The following C1GALT1 variants were observed in gnomAD, a reference collection of about 807,000 sequenced individuals.
C1GALT1 encodes the protein core 1 synthase, glycoprotein-N-acetylgalactosamine 3-beta-galactosyltransferase 1.
A neutral mutation model predicts 31.0 loss-of-function variants in C1GALT1; 11 were observed. The ratio of observed to expected loss-of-function variants is 0.36; its 90% CI spans 0.22 to 0.59. The LOEUF (loss-of-function observed/expected upper bound fraction) is 0.59, where lower values mean the gene tolerates loss of function less well. C1GALT1 is among the 20% of genes least tolerant of loss of function. The pLI is 0.79. For missense variants in C1GALT1, 424 were observed against 425.2 expected (o/e 1.00, Z 0.03); for synonymous variants, 175 against 143.6 (o/e 1.22, Z -1.56).
chr7:7,208,201 G>T (rs1470869959), intron 1 of C1GALT1, among the ~76,000 whole-genome samples: 1 of 151,416 alleles, frequency 6.6e-6, no homozygotes, highest in African/African-American at 2.4e-5. Context: ...TAAAGTTAAG[G>T]TTCAATAAAG....
At chr7:7,222,096 CT>C (rs1002486108) in intron 1 of C1GALT1, among the ~76,000 whole-genome samples, 2 of 152,172 alleles carry the variant, frequency 1.3e-5, no homozygotes, top group African/African-American at 2.4e-5. Context: ...AGAATACTTT[CT>C]AATAAATCAC....
At chr7:7,196,676 A>T (rs544641946) in intron 1 of C1GALT1, among the ~76,000 whole-genome samples, 4 of 152,332 alleles carry the variant, frequency 2.6e-5, no homozygotes, top group South Asian at 2.1e-4. Context: ...TTACAATCCC[A>T]CCAACAGTGT....
intron 1 of C1GALT1, among the ~76,000 whole-genome samples, chr7:7,222,473 C>G (rs546981626): frequency 6.6e-6 from 1 of 152,166 alleles, no homozygotes; most frequent in South Asian, 2.1e-4. Context: ...AATTAGCTTT[C>G]TTTTAAATAG....
chr7:7,167,168 C>A (rs941964212), intron 2 of C1GALT1, among the ~76,000 whole-genome samples: 1 of 152,212 alleles, frequency 6.6e-6, no homozygotes, highest in African/African-American at 2.4e-5. Flanking sequence ...CCTTCAGATT[C>A]TATCTCTGCT....
At chr7:7,235,263 C>A (rs925245962) in intron 2 of C1GALT1, 1 of 152,174 alleles carries the variant, frequency 6.6e-6, no homozygotes. Context: ...ATATAAGTAG[C>A]TTGAAAACAA....
intron 1 of C1GALT1, chr7:7,183,524 C>G (rs939041240): frequency 4.1e-6 from 4 of 974,878 alleles, no homozygotes; most frequent in Non-Finnish European, 4.9e-6. Flanking sequence ...GCTTCTGCAC[C>G]CCATTTTTCC....
At chr7:7,190,666 C>T (rs528067784) in intron 1 of C1GALT1, among the ~76,000 whole-genome samples, 2 of 152,028 alleles carry the variant, frequency 1.3e-5, no homozygotes, top group Middle Eastern at 3.4e-3. Context: ...AAGAGTTTTC[C>T]AGTGATACTC....
intron 2 of C1GALT1, among the ~76,000 whole-genome samples, chr7:7,162,742 AGT>A (rs1491331696): frequency 6.6e-6 from 1 of 151,976 alleles, no homozygotes; most frequent in East Asian, 1.9e-4. Flanking sequence ...ACAGTGTAAA[AGT>A]GTTCCTATTT....
intron 1 of C1GALT1, among the ~76,000 whole-genome samples, chr7:7,208,929 T>C (rs554687912): frequency 7.9e-5 from 12 of 152,336 alleles, no homozygotes; most frequent in African/African-American, 2.9e-4. Context: ...TTCTTGAAGT[T>C]TGAAGTTTTC....
rs550456716 is a variant in C1GALT1 at position 7,225,379 on chromosome 7, A to G, written c.-17-8924A>G. Among the ~76,000 whole-genome samples, 8 of 152,314 alleles carry G rather than the reference A, an allele frequency of 5.3e-5. No individual in the cohort carries two copies. The South Asian group carries it at 1.4e-3, about 28-fold the overall frequency. On this transcript the variant is annotated intron_variant, in intron 1 of 3. Transcript: ENST00000436587. ...AAGGTACTTGCTTTTTGCTTTTCCC[A>G]GTATATAGCATAGTGCTGTGTATTT...
intron 1 of C1GALT1, among the ~76,000 whole-genome samples, chr7:7,196,427 T>G (rs1393755104): frequency 6.6e-6 from 1 of 152,174 alleles, no homozygotes; most frequent in Non-Finnish European, 1.5e-5. Flanking sequence ...TATTCCATGG[T>G]GTGTATGTAC....
chr7:7,197,652 T>C (rs1381339134), intron 1 of C1GALT1, among the ~76,000 whole-genome samples: 1 of 152,206 alleles, frequency 6.6e-6, no homozygotes, highest in Non-Finnish European at 1.5e-5. Context: ...ATTTTCATGA[T>C]ATTGATTCTT....
chr7:7,167,764 T>A (rs6947154), intron 2 of C1GALT1, among the ~76,000 whole-genome samples: 102,476 of 151,710 alleles, frequency 0.68, 35,541 homozygotes, highest in East Asian at 0.93. Context: ...CAGCGCCCAG[T>A]CCCTTATTCT....
At chr7:7,164,649 G>C (rs1330929275) in intron 2 of C1GALT1, among the ~76,000 whole-genome samples, 2 of 152,138 alleles carry the variant, frequency 1.3e-5, no homozygotes, top group Non-Finnish European at 2.9e-5. Context: ...AACCCGACGA[G>C]GAACTCTGAA....
Position 7,167,181 on chromosome 7 carries a change from T to G in C1GALT1, c.-18+9755T>G, listed in dbSNP as rs117524634. 8.7e-3 allele frequency among the ~76,000 whole-genome samples: 1,325 copies of G among 152,304 alleles called. 17 individuals are homozygous for G. Among genetic ancestry groups the G allele is most frequent in the Non-Finnish European group, 0.011 (718 of 68,016 alleles). The stretch of plus-strand genomic sequence containing the variant: ...CTCCTTCAGATTCTATCTCTGCTCC[T>G]TTTTCAGATCCCTACTGGCTAAACA... On this transcript the variant is annotated intron_variant, in intron 2 of 3. Transcript: ENST00000429911.
chr7:7,192,529 A>G (rs1781119464), intron 1 of C1GALT1, among the ~76,000 whole-genome samples: 2 of 151,966 alleles, frequency 1.3e-5, no homozygotes, highest in Admixed American at 1.3e-4. Flanking sequence ...TATTATACAT[A>G]CCACATTTTC....
At chr7:7,213,957 T>G (rs1782120690) in intron 1 of C1GALT1, among the ~76,000 whole-genome samples, 1 of 152,210 alleles carries the variant, frequency 6.6e-6, no homozygotes, top group Admixed American at 6.5e-5. Flanking sequence ...CCAATTGGCT[T>G]ATTTTGTAAT....
At chr7:7,175,669 C>T (rs537932543) in intron 2 of C1GALT1, among the ~76,000 whole-genome samples, 3 of 152,306 alleles carry the variant, frequency 2.0e-5, no homozygotes, top group South Asian at 4.1e-4. Flanking sequence ...CAGGTAGCCC[C>T]TTGTATTAGT....
Position 7,188,909 on chromosome 7 carries a change from T to C in C1GALT1, c.-18+6089T>C, listed in dbSNP as rs564164133. On this transcript the variant is annotated intron_variant, in intron 1 of 3. Transcript: ENST00000436587. ...AGCTGAACATACATATGTGATGATA[T>C]AGGCATTACCCAACGATACGAAAGC... Among the ~76,000 whole-genome samples, 17 of 152,324 alleles carry C rather than the reference T, an allele frequency of 1.1e-4. No individual in the cohort carries two copies. In the East Asian group the frequency reaches 3.1e-3, roughly 28 times the overall value.
Sources: gnomAD v4.1 joint callset for allele counts (sites outside exome capture counted in the v4.1 genomes callset) on GRCh38, gnomAD v4.1.1 for gene constraint, MANE v1.5 for transcripts, NCBI Gene and HGNC (gene_info 2026-07-23, HGNC 2026-07-21) for gene names.